The following RNGTT variants were observed in gnomAD, a reference collection of about 807,000 sequenced individuals.
RNGTT encodes RNA guanylyltransferase and 5'-phosphatase, also known as mRNA-capping enzyme.
In RNGTT, 33 loss-of-function variants were observed where a neutral mutation model predicts 79.3. The observed-to-expected ratio is 0.42, with a 90% CI of 0.32 to 0.56. The LOEUF (loss-of-function observed/expected upper bound fraction) is 0.56, where lower values mean the gene tolerates loss of function less well. RNGTT is among the 20% of genes least tolerant of loss of function. RNGTT has a pLI of 0.17. For missense variants in RNGTT, 497 were observed against 739.1 expected (o/e 0.67, Z 3.80); for synonymous variants, 222 against 235.9 (o/e 0.94, Z 0.54).
intron 8 of RNGTT, among the ~76,000 whole-genome samples, chr6:88,864,730 C>G (rs145308395): frequency 6.6e-6 from 1 of 152,186 alleles, no homozygotes; most frequent in African/African-American, 2.4e-5. Flanking sequence ...CAAAATGCAG[C>G]ATATACATAA....
chr6:88,797,829 G>A (rs1279439844), intron 12 of RNGTT, among the ~76,000 whole-genome samples: 2 of 150,174 alleles, frequency 1.3e-5, no homozygotes, highest in Non-Finnish European at 3.0e-5. Context: ...GGGGTTAGTG[G>A]AATTAGAGGG....
At chr6:88,748,125 C>A (rs2127828833) in intron 13 of RNGTT, among the ~76,000 whole-genome samples, 1 of 152,228 alleles carries the variant, frequency 6.6e-6, no homozygotes, top group East Asian at 1.9e-4. Flanking sequence ...ACAATGAACT[C>A]TTTCCTGACC....
At chr6:88,739,264 A>T (rs9342157) in intron 13 of RNGTT, among the ~76,000 whole-genome samples, 19,344 of 152,162 alleles carry the variant, frequency 0.13, 1,418 homozygotes, top group Middle Eastern at 0.23. Context: ...TCTTCTAAGA[A>T]GCTTATTAAA....
At chr6:88,784,827 A>C (rs912074586) in intron 12 of RNGTT, among the ~76,000 whole-genome samples, 9 of 152,158 alleles carry the variant, frequency 5.9e-5, no homozygotes, top group African/African-American at 2.2e-4. Context: ...TAGACATTAA[A>C]AATATACCCG....
At chr6:88,803,821 G>C (rs548112892) in intron 11 of RNGTT, among the ~76,000 whole-genome samples, 7 of 151,976 alleles carry the variant, frequency 4.6e-5, no homozygotes, top group East Asian at 1.9e-4. Context: ...TGTATGTAAA[G>C]TAACAATAAA....
chr6:88,802,977 C>T (rs955173771), intron 11 of RNGTT, among the ~76,000 whole-genome samples: 3 of 152,188 alleles, frequency 2.0e-5, no homozygotes, highest in Admixed American at 2.0e-4. Flanking sequence ...ATCACACACT[C>T]TTGAAAGCAC....
chr6:88,698,279 T>TA (rs1491531475), intron 13 of RNGTT, among the ~76,000 whole-genome samples: 1 of 124,654 alleles, frequency 8.0e-6, no homozygotes, highest in Non-Finnish European at 1.6e-5. Flanking sequence ...GATATATATA[T>TA]TTCATATATA....
At chr6:88,699,455 TAAG>T (rs947750957) in intron 13 of RNGTT, among the ~76,000 whole-genome samples, 2 of 152,098 alleles carry the variant, frequency 1.3e-5, no homozygotes, top group Admixed American at 1.3e-4. Context: ...GAGGCTGAAT[TAAG>T]AAGATTGCTT....
intron 13 of RNGTT, among the ~76,000 whole-genome samples, chr6:88,742,444 T>C (rs1336048065): frequency 6.6e-6 from 1 of 152,250 alleles, no homozygotes; most frequent in East Asian, 1.9e-4. Context: ...CACATACAGT[T>C]ACATGACAAG....
intron 8 of RNGTT, among the ~76,000 whole-genome samples, chr6:88,879,726 T>TA (rs892703020): frequency 1.3e-4 from 20 of 152,288 alleles, no homozygotes; most frequent in Admixed American, 8.5e-4. Context: ...AAGCAAATTT[T>TA]AAAAAATCTT....
At chr6:88,643,021 T>C (rs1316137616) in intron 14 of RNGTT, among the ~76,000 whole-genome samples, 1 of 152,130 alleles carries the variant, frequency 6.6e-6, no homozygotes, top group Non-Finnish European at 1.5e-5. Flanking sequence ...TACAGTTACA[T>C]CCTGCTTAGC....
intron 4 of RNGTT, among the ~76,000 whole-genome samples, chr6:88,927,932 C>T (rs932916855): frequency 1.2e-3 from 182 of 152,040 alleles, no homozygotes; most frequent in African/African-American, 4.2e-3. Flanking sequence ...TGGCCAGGCA[C>T]AGTGGCTCAT....
At chr6:88,646,971 T>C (rs1013604955) in intron 14 of RNGTT, among the ~76,000 whole-genome samples, 10 of 152,236 alleles carry the variant, frequency 6.6e-5, no homozygotes, top group African/African-American at 2.2e-4. Flanking sequence ...TGTATACATA[T>C]GTAACAAACC....
At chr6:88,746,634 G>A (rs187969825) in intron 13 of RNGTT, among the ~76,000 whole-genome samples, 59 of 152,252 alleles carry the variant, frequency 3.9e-4, no homozygotes, top group Middle Eastern at 3.4e-3. Context: ...GTGCTCCTAT[G>A]AGAATCTAAT....
intron 1 of RNGTT, among the ~76,000 whole-genome samples, chr6:88,944,414 G>A (rs894396241): frequency 6.6e-6 from 1 of 152,130 alleles, no homozygotes; most frequent in Non-Finnish European, 1.5e-5. Flanking sequence ...AACTTGCCTT[G>A]CCTTTGCAGT....
intron 2 of RNGTT, among the ~76,000 whole-genome samples, chr6:88,929,928 A>G (rs1784440384): frequency 6.6e-6 from 1 of 150,474 alleles, no homozygotes; most frequent in Non-Finnish European, 1.5e-5. Flanking sequence ...ACGTATATAC[A>G]TATGTATACA....
chr6:88,904,586 GA>G, intron 6 of RNGTT, 128 bp downstream of exon 6: 2 of 1,106,066 alleles, frequency 1.8e-6, no homozygotes, highest in Non-Finnish European at 2.5e-6. Flanking sequence ...TTTTTTTTTA[GA>G]AAGGGCTAGG....
At chr6:88,775,973 G>T (rs1316665280) in intron 12 of RNGTT, among the ~76,000 whole-genome samples, 1 of 152,116 alleles carries the variant, frequency 6.6e-6, no homozygotes, top group East Asian at 1.9e-4. Context: ...CCATATGCAG[G>T]CTGTTGGAAA....
chr6:88,832,161 G>A (rs1291257155), intron 11 of RNGTT, among the ~76,000 whole-genome samples: 1 of 152,124 alleles, frequency 6.6e-6, no homozygotes, highest in Non-Finnish European at 1.5e-5. Context: ...AACAAAGCTG[G>A]AGGCATCATG....
Sources: allele counts gnomAD v4.1 joint callset (sites outside exome capture counted in the v4.1 genomes callset), GRCh38; gene constraint gnomAD v4.1.1; transcripts MANE v1.5; gene names NCBI Gene and HGNC (gene_info 2026-07-23, HGNC 2026-07-21).